TRIM31: variants seen among roughly 807,000 people sequenced by gnomAD.
TRIM31 encodes E3 ubiquitin-protein ligase TRIM31.
In TRIM31, 31 loss-of-function variants were observed where a neutral mutation model predicts 40.6. The observed-to-expected ratio is 0.76, with a 90% CI of 0.57 to 1.03. TRIM31 has a LOEUF of 1.03. TRIM31 is among the 50% of genes least tolerant of loss of function. The pLI, the probability that TRIM31 is intolerant of heterozygous loss-of-function variation, is 0.00. For synonymous variants in TRIM31, 164 were observed against 193.9 expected (o/e 0.85, Z 1.28); for missense variants, 455 against 497.5 (o/e 0.91, Z 0.81).
chr6:30,106,239 G>C (rs887733030), intron 6 of TRIM31, among the ~76,000 whole-genome samples: 1 of 152,218 alleles, frequency 6.6e-6, no homozygotes, highest in Non-Finnish European at 1.5e-5. Flanking sequence ...TAGGTAGTGG[G>C]ACAAGCGTGG....
At chr6:30,107,726 G>A (rs533775681) in intron 6 of TRIM31, 4 of 229,438 alleles carry the variant, frequency 1.7e-5, no homozygotes, top group Admixed American at 1.1e-4. Context: ...CCTGCCTGAG[G>A]CCATCTCTGG....
intron 2 of TRIM31, chr6:30,112,065 T>C (rs1769385917): frequency 3.6e-6 from 2 of 550,232 alleles, no homozygotes; most frequent in Non-Finnish European, 6.3e-6. Flanking sequence ...TTTTGCCATT[T>C]GAAAGGTGAG....
rs560238943 is a variant in TRIM31, at chr6:30,107,048, C to T, written c.883+1005G>A. 3.3e-5 allele frequency among the ~76,000 whole-genome samples: 5 copies of T among 152,044 alleles called. No homozygotes were observed. In the South Asian group the frequency reaches 1.0e-3, roughly 32 times the overall value. ...CCAGAAGGCGGAGGTTGCAGTGAGCCGAGATTGCGCCACTGCACTCTATCC... is the reference window on the plus strand; with the variant it reads ...CCAGAAGGCGGAGGTTGCAGTGAGCTGAGATTGCGCCACTGCACTCTATCC... On this transcript the variant is annotated intron_variant, in intron 6 of 8. Transcript: ENST00000376734.
chr6:30,108,670 G>A (rs758188461), intron 5 of TRIM31: 61 of 443,132 alleles, frequency 1.4e-4, no homozygotes, highest in Non-Finnish European at 2.0e-4. Context: ...AGGGCATAGG[G>A]AGATATGGAA....
chr6:30,109,125 C>T (rs1769041412), intron 4 of TRIM31, 77 bp from the exon 5 acceptor site: 3 of 1,492,754 alleles, frequency 2.0e-6, no homozygotes, highest in Non-Finnish European at 9.3e-7. Flanking sequence ...ACAGAGCCTG[C>T]TGGGTGTGGG....
intron 2 of TRIM31, 32 bp from the exon 3 acceptor site, chr6:30,111,775 G>A (rs752583969): frequency 6.2e-7 from 1 of 1,607,502 alleles, no homozygotes; most frequent in African/African-American, 1.3e-5. Context: ...GACAGGCTGT[G>A]CCTGGAGATT....
rs759441648 is a variant in TRIM31 at position 30,109,061 on chromosome 6, G to T, written c.745-13C>A. 6.2e-7 allele frequency: 1 copy of T among 1,612,952 alleles called. No individual in the cohort carries two copies. ...CGACTTTGATATCCTAGAAGAGAAA[G>T]AGAAACAGCACAGCCTCAGCACTTG... On this transcript the variant is annotated splice_polypyrimidine_tract_variant and intron_variant, in intron 4 of 8. Coordinates refer to ENST00000376734, the MANE Select transcript of TRIM31 (RefSeq NM_007028.5).
intron 5 of TRIM31, 75 bp downstream of exon 5, chr6:30,108,951 T>A (rs2844794): frequency 4.7e-6 from 7 of 1,484,730 alleles, no homozygotes; most frequent in African/African-American, 1.4e-5. Context: ...GAATGTTGAC[T>A]GCATTTGGAT....
At chr6:30,108,596 G>T in intron 5 of TRIM31, 1 of 235,294 alleles carries the variant, frequency 4.2e-6, no homozygotes, top group Non-Finnish European at 8.1e-6. Flanking sequence ...AAGACCTGGC[G>T]GTTAAGGGAT....
At chr6:30,112,351 G>A (rs769529548) in intron 2 of TRIM31, 38 bp downstream of exon 2, 1 of 1,575,558 alleles carries the variant, frequency 6.3e-7, no homozygotes, top group South Asian at 1.2e-5. Context: ...GAACTCCTGG[G>A]CTGATGGGGG....
rs1768419015 is a variant in TRIM31 at position 30,103,735 on chromosome 6, G to C, written c.1079C>G (p.Ser360Cys). ...PNHHSSAPSHSLFRASSAGKV... is the reference protein window; with the variant it reads ...PNHHSSAPSHCLFRASSAGKV... The stretch of plus-strand genomic sequence containing the variant: ...CCCAGCAGACGAGGCCCGAAACAGG[G>C]AGTGGGATGGGGCTGAAGAGTGGTG... The change falls in exon 9 of 9, where the codon TCC becomes TGC. Residue 360 changes from serine (S) to cysteine (C), a missense_variant. By Grantham distance (112) the Ser-to-Cys change is moderately radical. Coordinates refer to ENST00000376734, the MANE Select transcript of TRIM31 (RefSeq NM_007028.5). The C allele has an allele frequency of 1.2e-6, 2 of 1,612,968 alleles. No individual in the cohort carries two copies. The highest frequency in any genetic ancestry group is 1.7e-6 in the Non-Finnish European group (2 of 1,180,046).
chr6:30,112,868 A>G lies in TRIM31; in HGVS notation c.-63T>C. 2.0e-6 allele frequency: 3 copies of G among 1,503,416 alleles called. No individual in the cohort carries two copies. The highest frequency in any genetic ancestry group is 2.7e-6 in the Non-Finnish European group (3 of 1,123,730). The allele number at this position is 1,503,416 out of a possible 1,614,324, so 93.1% of individuals were successfully genotyped here. A position where few individuals can be genotyped will look rare whatever the true frequency, so the allele number is the denominator to read the frequency against. On this transcript the variant is annotated 5_prime_UTR_variant, in exon 2 of 9. Transcript: ENST00000376734. ...TGTGCCAAGTCTGTAGGAGCCCCGG[A>G]GTCCACTGTGGATACTGTTTCTAGG...
rs9278578 is a variant in TRIM31 at position 30,111,030 on chromosome 6, C to CTTTTTTTTTTTTTTTTTT, written c.514-370_514-353dup. 3.7e-3 allele frequency among the ~76,000 whole-genome samples: 426 copies of CTTTTTTTTTTTTTTTTTT among 114,254 alleles called. 12 individuals carry two copies. The highest frequency in any genetic ancestry group is 0.011 in the South Asian group (36 of 3,210). 75.0% of individuals were successfully genotyped at this position (114,254 alleles called of 152,430 possible). ...CACAATGTCTTCATTTTCCTTCTGTCTTTTTTTTTTTTTTTTTTTGAGACA... is the reference window on the plus strand; with the variant it reads ...CACAATGTCTTCATTTTCCTTCTGTCTTTTTTTTTTTTTTTTTTTTTTTTTTTTTTTTTTTTTGAGACA... On this transcript the variant is annotated intron_variant, in intron 3 of 8. Transcript: ENST00000376734.
Position 30,104,151 on chromosome 6 carries a change from T to C in TRIM31, c.975A>G (p.Lys325=). 6.2e-7 allele frequency: 1 copy of C among 1,613,040 alleles called. No individual in the cohort carries two copies. Among genetic ancestry groups the C allele is most frequent in the East Asian group, 2.2e-5 (1 of 44,882 alleles). ...AGGTTTTGTTCATTTTATGATTATT[T>C]TTCTGTAACAAGCCCCCTAAAAATT... ...NDMKSWGLLQ[K]NNHKMNKTSE... is the part of the protein sequence containing the mutation. Residue 325 remains lysine, a synonymous_variant, in exon 8 of 9, where the codon AAA becomes AAG. Transcript: ENST00000376734.
chr6:30,103,314 C>T lies in TRIM31; in HGVS notation c.*222G>A. ...GCGGGTGGCTGGAGATTGTCTCTTC[C>T]CCTCCTTTTGCTCAAGAATTCGTCC... On this transcript the variant is annotated 3_prime_UTR_variant, in exon 9 of 9. Transcript: ENST00000376734. 1.4e-6 allele frequency: 1 copy of T among 697,282 alleles called. No homozygotes were observed. Among genetic ancestry groups the T allele is most frequent in the African/African-American group, 1.8e-5 (1 of 55,840 alleles). 43.2% of individuals were successfully genotyped at this position (697,282 alleles called of 1,614,324 possible).
chr6:30,104,872 TAC>T (rs1055487515), intron 7 of TRIM31, among the ~76,000 whole-genome samples: 5 of 152,238 alleles, frequency 3.3e-5, no homozygotes, highest in Middle Eastern at 3.4e-3. Context: ...CAGCAAATAC[TAC>T]AGAGGTGGAG....
intron 6 of TRIM31, among the ~76,000 whole-genome samples, chr6:30,106,521 G>A (rs972794020): frequency 6.6e-6 from 1 of 151,928 alleles, no homozygotes; most frequent in Non-Finnish European, 1.5e-5. Context: ...ACCACCTCCT[G>A]TATTTCCTAG....
chr6:30,112,100 G>C, intron 2 of TRIM31: 1 of 556,484 alleles, frequency 1.8e-6, no homozygotes, highest in South Asian at 2.6e-5. Context: ...GAGAGGTAAA[G>C]TGATTCCTTG....
At chr6:30,108,211 AG>A (rs1301584453) in intron 5 of TRIM31, 43 bp from the exon 6 acceptor site, 1 of 1,396,532 alleles carries the variant, frequency 7.2e-7, no homozygotes, top group Non-Finnish European at 1.0e-6. Context: ...TCAGGGGATG[AG>A]GTGTGGGAGA....
Sources: allele counts gnomAD v4.1 joint callset (sites outside exome capture counted in the v4.1 genomes callset), GRCh38; gene constraint gnomAD v4.1.1; transcripts MANE v1.5; gene names NCBI Gene and HGNC (gene_info 2026-07-23, HGNC 2026-07-21).